MGAT5B: variants seen among roughly 807,000 people sequenced by gnomAD.
The protein encoded by MGAT5B is N-acetylglucosaminyl-transferase Vb.
Under a neutral mutation model 95.1 loss-of-function variants are expected in MGAT5B, and 54 were observed. The observed-to-expected ratio is 0.57, with a 90% CI of 0.46 to 0.71. The LOEUF is 0.71. MGAT5B is among the 30% of genes least tolerant of loss of function. The pLI is 0.00. For missense variants in MGAT5B, 935 were observed against 1,088.6 expected (o/e 0.86, Z 1.99); for synonymous variants, 464 against 451.0 (o/e 1.03, Z -0.36).
In MGAT5B at chr17:76,869,166, T is replaced by C; in HGVS notation, c.68+69T>C. 7.2e-7 allele frequency: 1 copy of C among 1,396,442 alleles called. No individual in the cohort carries two copies. The highest frequency in any genetic ancestry group is 1.8e-4 in the Middle Eastern group (1 of 5,674). The allele number at this position is 1,396,442 out of a possible 1,614,324, so 86.5% of individuals were successfully genotyped here. On this transcript the variant is annotated intron_variant, in intron 1 of 17. Transcript: ENST00000569840. This position sits in a 1 kb window ranked among gnomAD's most constrained non-coding sequence, Gnocchi z 7.0. ...GGTGGAGGTGGGCGAGGTCGGTTCC[T>C]GCGAACGTTCAAGTCCTGGTGGCAG... is the stretch of plus-strand genomic sequence containing the variant.
rs775103632 is a variant in MGAT5B, at chr17:76,882,294, G to A, written c.325G>A (p.Asp109Asn). The A allele has an allele frequency of 1.2e-6, 2 of 1,610,796 alleles. No individual in the cohort carries two copies. The highest frequency in any genetic ancestry group is 3.3e-5 in the Admixed American group (2 of 59,858). The change falls in exon 3 of 18, where the codon GAC becomes AAC. Residue 109 changes from aspartate (D) to asparagine (N), a missense_variant. This residue lies in a region of MGAT5B where 243 missense variants were observed against 228.2 expected (regional missense o/e 1.06). Transcript: ENST00000569840. ...CGGCGGCGACCTGCACTTTCCCGCA[G>A]ACAGGTGAGGGGACGTGGGGAGGAG... The part of the protein sequence containing the change: ...RAGGDLHFPA[D>N]RMPPGAGLME...
intron 8 of MGAT5B, among the ~76,000 whole-genome samples, chr17:76,920,273 C>T (rs1032221361): frequency 6.6e-5 from 10 of 152,094 alleles, no homozygotes; most frequent in Non-Finnish European, 2.9e-5. Flanking sequence ...TTGACCCAGC[C>T]CTTGACTGAG....
intron 16 of MGAT5B, among the ~76,000 whole-genome samples, chr17:76,947,034 G>A (rs1970052529): frequency 6.6e-6 from 1 of 152,236 alleles, no homozygotes; most frequent in Non-Finnish European, 1.5e-5. Flanking sequence ...TTCCTGGGGA[G>A]TCCTGGCCCT....
rs2145236870 is a variant in MGAT5B, at chr17:76,924,865, C to G, written c.1026-101C>G. On this transcript the variant is annotated intron_variant, in intron 8 of 17. Transcript: ENST00000569840. The stretch of plus-strand genomic sequence containing the variant: ...CCTTTCTGAGAGTCTGTGCTAAGCT[C>G]TCTGCACTTGTACAGTTCATTCTGG... 4 of 1,427,540 alleles carry G rather than the reference C, an allele frequency of 2.8e-6. No individual in the cohort carries two copies. The East Asian group carries it at 9.1e-5, about 33-fold the overall frequency. 88.4% of individuals were successfully genotyped at this position (1,427,540 alleles called of 1,614,324 possible).
intron 10 of MGAT5B, among the ~76,000 whole-genome samples, chr17:76,928,880 A>ATTT (rs60955244): frequency 4.8e-4 from 70 of 146,268 alleles, no homozygotes; most frequent in East Asian, 1.2e-3. Context: ...GTCATGAATA[A>ATTT]TTTTTTTTTT....
rs771069710 is a variant in MGAT5B, at chr17:76,872,888, T to C, written c.106T>C (p.Phe36Leu). ...VLGIGFFTLCFLMTSLGGQFS... is the reference protein window; with the variant it reads ...VLGIGFFTLCLLMTSLGGQFS... Reference sequence around the variant, plus strand: ...GGGCATCGGCTTCTTCACTCTCTGCTTCCTGATGACGTCTCTGGGAGGCCA... The same window carrying C: ...GGGCATCGGCTTCTTCACTCTCTGCCTCCTGATGACGTCTCTGGGAGGCCA... The change falls in exon 2 of 18, where the codon TTC becomes CTC. Residue 36 changes from phenylalanine to leucine, a missense_variant. This residue lies in a region of MGAT5B where 243 missense variants were observed against 228.2 expected (regional missense o/e 1.06). Coordinates refer to ENST00000569840, the MANE Select transcript of MGAT5B (RefSeq NM_001199172.2). 5 of 1,614,228 alleles carry C rather than the reference T, an allele frequency of 3.1e-6. No homozygotes were observed. Among genetic ancestry groups the C allele is most frequent in the Non-Finnish European group, 2.5e-6 (3 of 1,180,036 alleles).
intron 3 of MGAT5B, among the ~76,000 whole-genome samples, chr17:76,897,641 C>A (rs577139753): frequency 6.7e-6 from 1 of 149,534 alleles, no homozygotes; most frequent in East Asian, 2.0e-4. Flanking sequence ...CTGCAAAGAC[C>A]CTATTCCCAA....
At chr17:76,901,222 AGAG>A (rs1166941506) in intron 3 of MGAT5B, among the ~76,000 whole-genome samples, 3 of 152,256 alleles carry the variant, frequency 2.0e-5, no homozygotes, top group African/African-American at 7.2e-5. Flanking sequence ...TAGGCTCAGA[AGAG>A]GAGGAGAGGT....
At chr17:76,878,139 G>T (rs1198405583) in intron 2 of MGAT5B, among the ~76,000 whole-genome samples, 1 of 152,154 alleles carries the variant, frequency 6.6e-6, no homozygotes, top group Non-Finnish European at 1.5e-5. Flanking sequence ...GGCTTTTAGG[G>T]GAGTGGGTCA....
chr17:76,892,918 G>A (rs920062228), intron 3 of MGAT5B, among the ~76,000 whole-genome samples: 2 of 152,138 alleles, frequency 1.3e-5, no homozygotes, highest in Admixed American at 6.5e-5. Flanking sequence ...ACAGACTCCT[G>A]GGGGTGGCCC....
Position 76,893,110 on chromosome 17 carries a change from C to T in MGAT5B, c.330-9445C>T, listed in dbSNP as rs552290292. On this transcript the variant is annotated intron_variant, in intron 3 of 17. Transcript: ENST00000569840. ...GGGCTCTTGGTACCTGTGTGTTCTT[C>T]CCTGTGGCCCTTGAGTGGCTCAGTG... Among the ~76,000 whole-genome samples the T allele has an allele frequency of 2.9e-4, 44 of 152,240 alleles. 1 individual carries two copies. The highest frequency in any genetic ancestry group is 8.9e-4 in the African/African-American group (37 of 41,526).
chr17:76,890,480 C>T (rs1295021640), intron 3 of MGAT5B, among the ~76,000 whole-genome samples: 6 of 152,172 alleles, frequency 3.9e-5, no homozygotes, highest in African/African-American at 1.2e-4. Flanking sequence ...TCCATAGCCT[C>T]GGGGGCTCAT....
At chr17:76,881,569 G>A (rs1967417853) in intron 2 of MGAT5B, among the ~76,000 whole-genome samples, 1 of 152,360 alleles carries the variant, frequency 6.6e-6, no homozygotes, top group Non-Finnish European at 1.5e-5. Context: ...TCCATGGGGA[G>A]CAAGGAAAGT....
chr17:76,889,234 T>C lies in MGAT5B; in HGVS notation c.329+6936T>C, dbSNP rs1018926970. Among the ~76,000 whole-genome samples, 3 of 152,200 alleles carry C rather than the reference T, an allele frequency of 2.0e-5. No individual in the cohort carries two copies. Among genetic ancestry groups the C allele is most frequent in the Admixed American group, 1.3e-4 (2 of 15,290 alleles). The stretch of plus-strand genomic sequence containing the variant: ...CGCCGTGTGACCTTGGGAAAGCCAC[T>C]ATATCTGCCAGACATCCTGGGACCT... On this transcript the variant is annotated intron_variant, in intron 3 of 17. Coordinates refer to ENST00000569840, the MANE Select transcript of MGAT5B (RefSeq NM_001199172.2). The surrounding 1 kb of genome is among the most constrained non-coding windows in gnomAD (Gnocchi z 4.4).
intron 8 of MGAT5B, among the ~76,000 whole-genome samples, chr17:76,908,745 C>T (rs1472455872): frequency 1.3e-5 from 2 of 151,402 alleles, no homozygotes; most frequent in East Asian, 3.9e-4. Context: ...ATTTTAAGTC[C>T]ACTCTTCAAG....
At chr17:76,875,116 C>CA (rs1967139471) in intron 2 of MGAT5B, among the ~76,000 whole-genome samples, 1 of 152,218 alleles carries the variant, frequency 6.6e-6, no homozygotes, top group Non-Finnish European at 1.5e-5. Flanking sequence ...CAAGGATAGT[C>CA]ACGACTTGAC....
intron 8 of MGAT5B, among the ~76,000 whole-genome samples, chr17:76,922,987 C>T (rs1001283928): frequency 1.3e-5 from 2 of 152,194 alleles, no homozygotes; most frequent in Non-Finnish European, 2.9e-5. Context: ...CTGCCCTTCT[C>T]TGCAGGGCGA....
chr17:76,881,104 T>C, intron 2 of MGAT5B, among the ~76,000 whole-genome samples: 1 of 152,128 alleles, frequency 6.6e-6, no homozygotes, highest in East Asian at 1.9e-4. Flanking sequence ...CCCTATGGAC[T>C]GTGTGGAGGG....
chr17:76,868,954 C>T lies in MGAT5B; in HGVS notation c.-76C>T, dbSNP rs1489672366. ...TTCGGCCCGCAGAGGGTTCGTGGCC[C>T]GGACGCGGCGAGAGCTGGGCCCAGG... On this transcript the variant is annotated 5_prime_UTR_variant, in exon 1 of 18. Transcript: ENST00000569840. This position sits in a 1 kb window ranked among gnomAD's most constrained non-coding sequence, Gnocchi z 6.3. The T allele has an allele frequency of 2.7e-6, 4 of 1,463,858 alleles. No individual in the cohort carries two copies. Among genetic ancestry groups the T allele is most frequent in the Non-Finnish European group, 3.8e-6 (4 of 1,050,154 alleles). The allele number at this position is 1,463,858 out of a possible 1,614,324, so 90.7% of individuals were successfully genotyped here.
Sources: gnomAD v4.1 joint callset for allele counts (sites outside exome capture counted in the v4.1 genomes callset) on GRCh38, gnomAD v4.1.1 for gene constraint, gnomAD v4.1.1 regional missense constraint, Gnocchi (gnomAD v3.1) non-coding constraint, MANE v1.5 for transcripts, NCBI Gene and HGNC (gene_info 2026-07-23, HGNC 2026-07-21) for gene names.